BCAS4: variants seen among roughly 807,000 people sequenced by gnomAD.
BCAS4 encodes breast carcinoma-amplified sequence 4.
A neutral mutation model predicts 15.7 loss-of-function variants in BCAS4; 9 were observed. The ratio of observed to expected loss-of-function variants is 0.57; its 90% CI spans 0.34 to 1.00. The LOEUF (loss-of-function observed/expected upper bound fraction) is 1.00. BCAS4 is among the 50% of genes least tolerant of loss of function. BCAS4 has a pLI of 0.02. For synonymous variants in BCAS4, 101 were observed against 99.5 expected (o/e 1.02, Z -0.09); for missense variants, 225 against 239.1 (o/e 0.94, Z 0.39).
intron 1 of BCAS4, among the ~76,000 whole-genome samples, chr20:50,800,546 G>C (rs2087914466): frequency 6.7e-6 from 1 of 149,252 alleles, no homozygotes; most frequent in Non-Finnish European, 1.5e-5. Context: ...CCCTCTTTCT[G>C]GTTTGAACAT....
At chr20:50,843,432 T>C (rs2088507203) in intron 4 of BCAS4, among the ~76,000 whole-genome samples, 4 of 152,236 alleles carry the variant, frequency 2.6e-5, no homozygotes, top group Admixed American at 1.3e-4. Flanking sequence ...ATTTGGCCCA[T>C]GTCAACTCAT....
At chr20:50,877,606 C>A (rs1387079643), downstream of BCAS4, 1 of 152,336 alleles carries the variant, frequency 6.6e-6, no homozygotes, top group Non-Finnish European at 1.5e-5. Context: ...TGCCTGTAAT[C>A]CCAGCATCTT....
chr20:50,852,438 G>A (rs994005413), intron 4 of BCAS4, among the ~76,000 whole-genome samples: 2 of 152,048 alleles, frequency 1.3e-5, no homozygotes, highest in Non-Finnish European at 2.9e-5. Flanking sequence ...CTGGAGTGCG[G>A]TGGCCTGATC....
At chr20:50,835,405 C>T (rs1048674426) in intron 3 of BCAS4, among the ~76,000 whole-genome samples, 13 of 151,796 alleles carry the variant, frequency 8.6e-5, no homozygotes, top group African/African-American at 2.4e-4. Context: ...CCACCACACC[C>T]GGCTAATTTT....
At chr20:50,820,153 G>T (rs1395219184) in intron 2 of BCAS4, among the ~76,000 whole-genome samples, 1 of 152,154 alleles carries the variant, frequency 6.6e-6, no homozygotes, top group Non-Finnish European at 1.5e-5. Context: ...GGCTGCATTG[G>T]GCACTTTCTC....
At chr20:50,841,338 G>C (rs916759014) in intron 3 of BCAS4, among the ~76,000 whole-genome samples, 1 of 152,102 alleles carries the variant, frequency 6.6e-6, no homozygotes, top group Non-Finnish European at 1.5e-5. Context: ...TAGATGAAAA[G>C]TACAAATAAA....
chr20:50,845,615 C>G (rs976099284), intron 4 of BCAS4, among the ~76,000 whole-genome samples: 7 of 152,332 alleles, frequency 4.6e-5, no homozygotes, highest in South Asian at 4.1e-4. Context: ...CCACTGCCCC[C>G]CTGAGGCAGG....
intron 3 of BCAS4, among the ~76,000 whole-genome samples, chr20:50,838,134 C>T (rs2123801924): frequency 6.6e-6 from 1 of 152,364 alleles, no homozygotes; most frequent in South Asian, 2.1e-4. Context: ...GCTAAGGATA[C>T]ACTCACTCAC....
intron 2 of BCAS4, among the ~76,000 whole-genome samples, chr20:50,827,019 CA>C (rs1466487543): frequency 6.6e-6 from 1 of 151,766 alleles, no homozygotes; most frequent in Admixed American, 6.6e-5. Context: ...AACAAACAAA[CA>C]AACAAACAAA....
chr20:50,803,464 G>A (rs1401886815), intron 1 of BCAS4, among the ~76,000 whole-genome samples: 1 of 152,150 alleles, frequency 6.6e-6, no homozygotes, highest in African/African-American at 2.4e-5. Flanking sequence ...CGGGTGGGGT[G>A]GGGTATAGGC....
chr20:50,818,275 C>G lies in BCAS4; in HGVS notation c.155C>G (p.Ala52Gly). ...LLRLEEFCSL[A>G]DLIRSDTSQI... ...AGGCTGGAAGAGTTTTGCAGCCTGG[C>G]TGACCTGGTGAGTGGCTGCCTGGAA... The change falls in exon 2 of 5, where the codon GCT becomes GGT. Residue 52 changes from alanine (A) to glycine (G), a missense_variant. Coordinates refer to ENST00000371608, the MANE Select transcript of BCAS4 (RefSeq NM_198799.4). The G allele has an allele frequency of 1.3e-6, 2 of 1,534,946 alleles. No individual in the cohort carries two copies. The highest frequency in any genetic ancestry group is 1.8e-6 in the Non-Finnish European group (2 of 1,139,982).
intron 3 of BCAS4, among the ~76,000 whole-genome samples, chr20:50,841,432 C>CT (rs1375623678): frequency 2.6e-5 from 4 of 152,034 alleles, no homozygotes; most frequent in Admixed American, 6.6e-5. Flanking sequence ...CTGAGACCCC[C>CT]GCCCCTGCCC....
intron 4 of BCAS4, among the ~76,000 whole-genome samples, chr20:50,843,889 ATACCAG>A (rs1388453580): frequency 6.6e-6 from 1 of 152,216 alleles, no homozygotes; most frequent in Admixed American, 6.5e-5. Flanking sequence ...TATGCTTGTA[ATACCAG>A]CACTTTGGGA....
At chr20:50,818,752 C>G (rs2088173713) in intron 2 of BCAS4, among the ~76,000 whole-genome samples, 1 of 152,214 alleles carries the variant, frequency 6.6e-6, no homozygotes, top group African/African-American at 2.4e-5. Context: ...GCATCGAGTT[C>G]CTTCCTGAAT....
intron 4 of BCAS4, among the ~76,000 whole-genome samples, chr20:50,875,360 A>T (rs867501460): frequency 1.3e-5 from 2 of 152,180 alleles, no homozygotes; most frequent in African/African-American, 4.8e-5. Context: ...CTCCACAAAA[A>T]TCCTCACCAG....
At chr20:50,798,749 C>T (rs1214745004) in intron 1 of BCAS4, among the ~76,000 whole-genome samples, 1 of 152,190 alleles carries the variant, frequency 6.6e-6, no homozygotes, top group Non-Finnish European at 1.5e-5. Context: ...CCTCTGCCTT[C>T]CTAGTGTCCC....
rs140800906 is a variant in BCAS4 at position 50,801,864 on chromosome 20, C to A, written c.90+6691C>A. On this transcript the variant is annotated intron_variant, in intron 1 of 4. Coordinates refer to ENST00000371608, the MANE Select transcript of BCAS4 (RefSeq NM_198799.4). The stretch of plus-strand genomic sequence containing the variant: ...ATGGGAAGGACCGGAGGGCAAAGAT[C>A]TGACAGCAGATGCCCGGCCACAGGG... 8.0e-3 allele frequency among the ~76,000 whole-genome samples: 1,211 copies of A among 152,166 alleles called. 16 individuals are homozygous for A. The highest frequency in any genetic ancestry group is 0.028 in the African/African-American group (1,171 of 41,494).
intron 3 of BCAS4, chr20:50,832,628 A>C (rs996087916): frequency 2.6e-5 from 4 of 152,282 alleles, no homozygotes; most frequent in African/African-American, 7.2e-5. Context: ...GGCTAAAGTC[A>C]AGGTGGTGGC....
chr20:50,842,050 C>A, intron 4 of BCAS4, 150 bp downstream of exon 4: 1 of 1,012,992 alleles, frequency 9.9e-7, no homozygotes, highest in African/African-American at 1.6e-5. Flanking sequence ...CCAGGCACCT[C>A]AGCCTTTCTC....
Sources: gnomAD v4.1 joint callset for allele counts (sites outside exome capture counted in the v4.1 genomes callset) on GRCh38, gnomAD v4.1.1 for gene constraint, MANE v1.5 for transcripts, NCBI Gene and HGNC (gene_info 2026-07-23, HGNC 2026-07-21) for gene names.